ZC4H2: variants seen among roughly 807,000 people sequenced by gnomAD.
ZC4H2 encodes zinc finger C4H2-type containing.
For synonymous variants in ZC4H2, 84 were observed against 66.3 expected (o/e 1.27, Z -1.30); for missense variants, 137 against 173.9 (o/e 0.79, Z 1.19).
chrX:64,979,206 C>T (rs1932037451), upstream of ZC4H2, among the ~76,000 whole-genome samples: 1 of 111,904 alleles, frequency 8.9e-6, no homozygotes, highest in African/African-American at 3.3e-5. Context: ...TGTGCTCTTC[C>T]TATGGCCCCA....
At chrX:65,001,686 T>A (rs1932539076) in intron 1 of ZC4H2, among the ~76,000 whole-genome samples, 1 of 111,694 alleles carries the variant, frequency 9.0e-6, no homozygotes, top group Non-Finnish European at 1.9e-5. Context: ...ATGTGCGATA[T>A]TCAGGAGACC....
chrX:64,940,645 T>G (rs1930236786), intron 1 of ZC4H2, among the ~76,000 whole-genome samples: 1 of 111,723 alleles, frequency 9.0e-6, no homozygotes. Flanking sequence ...CACTACATAT[T>G]AAATGGGGAA....
intron 4 of ZC4H2, 126 bp downstream of exon 4, chrX:64,918,916 T>C: frequency 1.1e-6 from 1 of 889,799 alleles, no homozygotes; most frequent in Non-Finnish European, 1.5e-6. Context: ...TTCCACTGTG[T>C]CACAAGCAAA....
At chrX:64,960,715 C>A (rs976591144) in intron 1 of ZC4H2, among the ~76,000 whole-genome samples, 27 of 111,983 alleles carry the variant, frequency 2.4e-4, no homozygotes, top group Admixed American at 9.5e-5. Context: ...TTTACTATTA[C>A]CAGATGTACA....
intron 1 of ZC4H2, among the ~76,000 whole-genome samples, chrX:64,922,872 A>C (rs1929270368): frequency 8.9e-6 from 1 of 112,209 alleles, no homozygotes; most frequent in African/African-American, 3.2e-5. Context: ...ACGTGTGGCT[A>C]CTGGCTGTCA....
intron 1 of ZC4H2, among the ~76,000 whole-genome samples, chrX:64,985,072 C>A (rs929995018): frequency 8.9e-6 from 1 of 112,045 alleles, no homozygotes; most frequent in Admixed American, 9.4e-5. Flanking sequence ...GTATGTATAC[C>A]ACATTTTCTT....
rs1233502060 is a variant in ZC4H2, at chrX:64,917,829, C to T, written c.629G>A (p.Ser210Asn). 8.3e-7 allele frequency: 1 copy of T among 1,211,248 alleles called. No individual in the cohort carries two copies. Among genetic ancestry groups the T allele is most frequent in the African/African-American group, 1.7e-5 (1 of 57,758 alleles). The change falls in exon 5 of 5, where the codon AGT (serine) becomes AAT (asparagine). Residue 210 changes from serine to asparagine, a missense_variant. Physicochemically the swap from Ser to Asn is conservative, Grantham distance 46 (BLOSUM62 1). Coordinates refer to ENST00000374839, the MANE Select transcript of ZC4H2 (RefSeq NM_018684.4). ...APICPLCKAK[S>N]RSRNPKKPKR... Reference sequence around the variant, plus strand: ...CGGCTTTTTGGGGTTCCGGGACCGACTCTTGGCCTTGCAAAGAGGGCATAT... The same window carrying T: ...CGGCTTTTTGGGGTTCCGGGACCGATTCTTGGCCTTGCAAAGAGGGCATAT...
At chrX:65,025,013 G>C (rs1436073200) in intron 1 of ZC4H2, among the ~76,000 whole-genome samples, 5 of 110,953 alleles carry the variant, frequency 4.5e-5, no homozygotes, top group Non-Finnish European at 9.4e-5. Flanking sequence ...TAAAATAAAA[G>C]CTGAAAACAA....
At chrX:65,012,453 G>A (rs1279881693) in intron 1 of ZC4H2, among the ~76,000 whole-genome samples, 2 of 111,186 alleles carry the variant, frequency 1.8e-5, no homozygotes, top group East Asian at 5.7e-4. Context: ...ACACTTAGAA[G>A]AACCAAGTTA....
At chrX:65,000,341 C>T (rs931273488) in intron 1 of ZC4H2, among the ~76,000 whole-genome samples, 5 of 111,407 alleles carry the variant, frequency 4.5e-5, no homozygotes, top group African/African-American at 1.6e-4. Context: ...AGCAGAGGGG[C>T]CTGACTGTTA....
At chrX:64,959,863 C>T (rs1931308524) in intron 1 of ZC4H2, among the ~76,000 whole-genome samples, 1 of 111,099 alleles carries the variant, frequency 9.0e-6, no homozygotes, top group African/African-American at 3.3e-5. Context: ...CCTGACTTTA[C>T]ATTTTTGAAT....
In ZC4H2 at chrX:64,916,069, G is replaced by A. The variant is rs1928905459; in HGVS notation, c.*1714C>T. ...GAAGTAGAAAAAAATGAGCTCTGGA[G>A]TTGGACAAAGCTGGCTCCAAATCCT... On this transcript the variant is annotated 3_prime_UTR_variant, in exon 5 of 5. Transcript: ENST00000374839. 8.9e-6 allele frequency: 1 copy of A among 112,130 alleles called. No individual in the cohort carries two copies. Among genetic ancestry groups the A allele is most frequent in the African/African-American group, 3.2e-5 (1 of 30,873 alleles). 9.2% of individuals were successfully genotyped at this position (112,130 alleles called of 1,213,427 possible).
intron 1 of ZC4H2, among the ~76,000 whole-genome samples, chrX:65,022,581 TA>T (rs1231251218): frequency 3.6e-5 from 4 of 111,326 alleles, no homozygotes; most frequent in African/African-American, 1.3e-4. Context: ...ACTGAATGGG[TA>T]AAAACTGAAA....
At chrX:65,020,055 G>A (rs769792804) in intron 1 of ZC4H2, among the ~76,000 whole-genome samples, 6 of 111,901 alleles carry the variant, frequency 5.4e-5, no homozygotes, top group East Asian at 5.6e-4. Flanking sequence ...CCAAATCTAC[G>A]TCTGATTGGT....
intron 1 of ZC4H2, chrX:64,922,351 TC>T: frequency 6.9e-6 from 1 of 145,586 alleles, no homozygotes; most frequent in Non-Finnish European, 1.3e-5. Flanking sequence ...ATGCCAGTAG[TC>T]TCAACTACTC....
chrX:64,978,705 T>C (rs1054122217), upstream of ZC4H2, among the ~76,000 whole-genome samples: 2 of 111,194 alleles, frequency 1.8e-5, no homozygotes, highest in Non-Finnish European at 3.8e-5. Context: ...TGGACCAAGT[T>C]ACTTGCAGAT....
At position 64,959,192 on chromosome X, in the gene ZC4H2, C is replaced by T. The variant is rs766241381; in HGVS notation, c.53+17133G>A. ...TGGGCTTGAATCATATAGATGAGGG[C>T]GAAACCCTGTATACAGTGAAGCAAC... On this transcript the variant is annotated intron_variant, in intron 1 of 4. Transcript: ENST00000374839. Among the ~76,000 whole-genome samples the T allele has an allele frequency of 1.1e-4, 12 of 108,723 alleles. No individual in the cohort carries two copies. The South Asian group carries it at 1.2e-3, about 11-fold the overall frequency. 94.4% of individuals were successfully genotyped at this position (108,723 alleles called of 115,157 possible). A position where few individuals can be genotyped will look rare whatever the true frequency, so the allele number is the denominator to read the frequency against.
intron 1 of ZC4H2, among the ~76,000 whole-genome samples, chrX:64,928,678 CTTCT>C (rs1569204170): frequency 1.1e-4 from 11 of 104,135 alleles, no homozygotes; most frequent in Non-Finnish European, 1.4e-4. Flanking sequence ...TCTTCTTCTT[CTTCT>C]TCCTCCTCCT....
intron 1 of ZC4H2, among the ~76,000 whole-genome samples, chrX:65,019,196 C>A (rs989584050): frequency 2.7e-5 from 3 of 111,954 alleles, no homozygotes; most frequent in African/African-American, 9.7e-5. Context: ...AAGGGACAGA[C>A]TGCCTCCTCA....
Sources: allele counts gnomAD v4.1 joint callset (sites outside exome capture counted in the v4.1 genomes callset), GRCh38; gene constraint gnomAD v4.1.1; transcripts MANE v1.5; gene names NCBI Gene and HGNC (gene_info 2026-07-23, HGNC 2026-07-21).